NAA11: variants seen among roughly 807,000 people sequenced by gnomAD.
NAA11 encodes N-alpha-acetyltransferase 11, NatA catalytic subunit.
In NAA11, 15 loss-of-function variants were observed where a neutral mutation model predicts 16.1. The ratio of observed to expected loss-of-function variants is 0.93; its 90% CI spans 0.62 to 1.44. The LOEUF (loss-of-function observed/expected upper bound fraction) is 1.44. Among genes scored for constraint, NAA11 ranks in the 40% most tolerant of loss-of-function variants. The pLI is 0.00. For missense variants in NAA11, 298 were observed against 291.3 expected, an observed-to-expected ratio of 1.02 and a Z score of -0.17; for synonymous variants, 122 against 112.4, an observed-to-expected ratio of 1.09 and a Z score of -0.54.
intron 1 of NAA11, among the ~76,000 whole-genome samples, chr4:79,322,779 C>T (rs969952702): frequency 6.6e-6 from 1 of 152,038 alleles, no homozygotes; most frequent in African/African-American, 2.4e-5. Context: ...GACTGTTCTG[C>T]CGGCTTTATT....
chr4:79,158,396 CCTAA>C, the NAA11 span, among the ~76,000 whole-genome samples: 2 of 151,908 alleles, frequency 1.3e-5, no homozygotes, highest in Non-Finnish European at 2.9e-5. Context: ...TAACAATATA[CCTAA>C]CTGAGGAAAT....
At chr4:79,212,548 A>G in the NAA11 span, among the ~76,000 whole-genome samples, 1 of 152,158 alleles carries the variant, frequency 6.6e-6, no homozygotes, top group African/African-American at 2.4e-5. Flanking sequence ...GATGAGGTTA[A>G]TGAAAGGCTG....
chr4:79,177,065 G>A, the NAA11 span, among the ~76,000 whole-genome samples: 1 of 151,908 alleles, frequency 6.6e-6, no homozygotes, highest in South Asian at 2.1e-4. Context: ...AAGAAATGAG[G>A]TTGTTGTCTC....
At chr4:79,226,435 A>AT (rs1334827196) in intron 2 of NAA11, among the ~76,000 whole-genome samples, 3 of 151,526 alleles carry the variant, frequency 2.0e-5, no homozygotes, top group Non-Finnish European at 3.0e-5. Flanking sequence ...TAATATATAT[A>AT]TTTTTTATTA....
chr4:79,281,932 C>T (rs1422124586), intron 2 of NAA11, among the ~76,000 whole-genome samples: 2 of 152,032 alleles, frequency 1.3e-5, no homozygotes. Context: ...AGCTCTAGAC[C>T]CTTTAAAAAA....
the NAA11 span, among the ~76,000 whole-genome samples, chr4:79,163,144 T>A: frequency 3.3e-5 from 5 of 152,300 alleles, no homozygotes; most frequent in African/African-American, 1.2e-4. Context: ...GGAGTGCTGT[T>A]CACACAGAAT....
intron 2 of NAA11, among the ~76,000 whole-genome samples, chr4:79,272,324 C>T (rs941745297): frequency 1.3e-5 from 2 of 151,950 alleles, no homozygotes; most frequent in Non-Finnish European, 2.9e-5. Flanking sequence ...ATTAAAAGAA[C>T]CAAATTTCCT....
intron 1 of NAA11, among the ~76,000 whole-genome samples, chr4:79,323,084 T>C (rs1724147400): frequency 1.3e-5 from 2 of 152,214 alleles, no homozygotes; most frequent in African/African-American, 4.8e-5. Flanking sequence ...GCCTGACAAA[T>C]ATTTTTATGA....
the NAA11 span, among the ~76,000 whole-genome samples, chr4:79,161,655 T>C: frequency 7.3e-5 from 11 of 151,654 alleles, no homozygotes; most frequent in Admixed American, 3.9e-4. Context: ...TCCATGTATG[T>C]GGGATATCTT....
chr4:79,313,572 T>C (rs566915227), downstream of NAA11, among the ~76,000 whole-genome samples: 18 of 152,302 alleles, frequency 1.2e-4, no homozygotes, highest in South Asian at 4.1e-4. Context: ...AATATATGTA[T>C]GATTTAAAAT....
the NAA11 span, among the ~76,000 whole-genome samples, chr4:79,192,074 G>T: frequency 5.9e-5 from 9 of 152,198 alleles, 2 homozygotes; most frequent in Admixed American, 5.9e-4. Flanking sequence ...ATGCTGTTTT[G>T]GTTACTGTAG....
intron 1 of NAA11, among the ~76,000 whole-genome samples, chr4:79,297,118 C>A (rs1317962959): frequency 6.6e-6 from 1 of 152,200 alleles, no homozygotes; most frequent in Non-Finnish European, 1.5e-5. Context: ...TGCTCTGCAT[C>A]CTGGCCATGC....
intron 2 of NAA11, among the ~76,000 whole-genome samples, chr4:79,234,762 G>GT (rs1325691243): frequency 6.6e-6 from 1 of 151,922 alleles, no homozygotes; most frequent in Non-Finnish European, 1.5e-5. Context: ...GAATGTCTGG[G>GT]TTTTTTTCAT....
intron 2 of NAA11, among the ~76,000 whole-genome samples, chr4:79,277,168 G>T (rs1055793962): frequency 6.6e-6 from 1 of 152,108 alleles, no homozygotes; most frequent in African/African-American, 2.4e-5. Flanking sequence ...CAATGAGTTA[G>T]CCAGCAACTC....
chr4:79,320,196 A>G (rs1210107048), intron 1 of NAA11, among the ~76,000 whole-genome samples: 2 of 152,174 alleles, frequency 1.3e-5, no homozygotes, highest in Admixed American at 6.5e-5. Context: ...GCCGTTGACA[A>G]GCGTTGATTC....
chr4:79,180,455 T>C, the NAA11 span, among the ~76,000 whole-genome samples: 1 of 152,150 alleles, frequency 6.6e-6, no homozygotes, highest in East Asian at 1.9e-4. Context: ...AAAACATTTA[T>C]GCAGCCAACA....
At chr4:79,191,339 T>C in the NAA11 span, among the ~76,000 whole-genome samples, 3 of 162 alleles carry the variant, frequency 0.019, no homozygotes, top group African/African-American at 0.039. Flanking sequence ...CATCTGCTGT[T>C]TTTTTTTTTT....
intron 1 of NAA11, among the ~76,000 whole-genome samples, chr4:79,303,121 T>C (rs1301894440): frequency 6.1e-5 from 7 of 114,262 alleles, no homozygotes; most frequent in Admixed American, 9.5e-5. Context: ...TATATATATA[T>C]ACCTCCCAAC....
At chr4:79,312,005 T>G (rs1226306017), downstream of NAA11, among the ~76,000 whole-genome samples, 2 of 152,202 alleles carry the variant, frequency 1.3e-5, no homozygotes, top group African/African-American at 4.8e-5. Flanking sequence ...TTTCTCACCT[T>G]TCTTTCACAT....
Sources: allele counts gnomAD v4.1 joint callset (sites outside exome capture counted in the v4.1 genomes callset), GRCh38; gene constraint gnomAD v4.1.1; transcripts MANE v1.5; gene names NCBI Gene and HGNC (gene_info 2026-07-23, HGNC 2026-07-21).